IQCM: variants seen among roughly 807,000 people sequenced by gnomAD.
IQCM encodes IQ motif containing M, also known as IQ domain-containing protein M.
IQCM carries 45 observed loss-of-function variants against 57.6 expected under a neutral mutation model. The ratio of observed to expected loss-of-function variants is 0.78; its 90% CI spans 0.62 to 1.00. IQCM has a LOEUF of 1.00. IQCM is among the 50% of genes least tolerant of loss of function. IQCM has a pLI of 0.00. For missense variants in IQCM, 468 were observed against 511.6 expected (o/e 0.91, Z 0.82); for synonymous variants, 148 against 158.9 (o/e 0.93, Z 0.51).
At chr4:149,777,336 A>T (rs545217811) in intron 2 of IQCM, among the ~76,000 whole-genome samples, 1 of 152,354 alleles carries the variant, frequency 6.6e-6, no homozygotes, top group East Asian at 1.9e-4. Flanking sequence ...AAAAATGTCC[A>T]TGATAAAAAG....
At chr4:149,361,421 C>T (rs563131952) in intron 13 of IQCM, among the ~76,000 whole-genome samples, 1 of 152,284 alleles carries the variant, frequency 6.6e-6, no homozygotes, top group South Asian at 2.1e-4. Flanking sequence ...TGTCAAAGAC[C>T]TTCATGGCAG....
rs1217422747 is a variant in IQCM, at chr4:149,563,751, T to A, written c.889A>T (p.Met297Leu). The A allele has an allele frequency of 3.2e-6, 4 of 1,232,022 alleles. No homozygotes were observed. The highest frequency in any genetic ancestry group is 4.0e-6 in the Non-Finnish European group (4 of 987,966). The allele number at this position is 1,232,022 out of a possible 1,614,324, so 76.3% of individuals were successfully genotyped here. A position where few individuals can be genotyped will look rare whatever the true frequency, so the allele number is the denominator to read the frequency against. ...AGCCATCCCCTGACATGTGCCTGCA[T>A]GACGGTGACCATTCTAATCAATTTT... ...TPKLIRMVTV[M>L]QAHVRGWLER... The change falls in exon 10 of 14, where the codon ATG (methionine) becomes TTG (leucine). Residue 297 changes from methionine (M) to leucine (L), a missense_variant. Coordinates refer to ENST00000636793, the MANE Select transcript of IQCM (RefSeq NM_001363507.2).
At chr4:149,646,298 A>G (rs1481796123) in intron 7 of IQCM, among the ~76,000 whole-genome samples, 1 of 152,170 alleles carries the variant, frequency 6.6e-6, no homozygotes, top group African/African-American at 2.4e-5. Flanking sequence ...TTTCTGAAAT[A>G]TAAACTTTTA....
At chr4:149,366,001 C>A (rs1030871462) in intron 13 of IQCM, among the ~76,000 whole-genome samples, 7 of 152,014 alleles carry the variant, frequency 4.6e-5, no homozygotes, top group African/African-American at 1.7e-4. Flanking sequence ...TTAGTTTTCA[C>A]AATTGTACCA....
chr4:149,352,855 G>A (rs2110860000), intron 13 of IQCM, among the ~76,000 whole-genome samples: 1 of 152,160 alleles, frequency 6.6e-6, no homozygotes, highest in Non-Finnish European at 1.5e-5. Flanking sequence ...ATTTACTGTG[G>A]CCACCATTAT....
In IQCM at chr4:149,621,176, G is replaced by C; in HGVS notation, c.634C>G (p.Arg212Gly). ...RSFRLACDSRRVSFSQSSSIF... is the reference protein window; with the variant it reads ...RSFRLACDSRGVSFSQSSSIF... ...GATGATGATTGAGAGAAACTAACTC[G>C]ACGGGAGTCACAAGCCAAACGGAAA... The change falls in exon 8 of 14, where the codon CGA becomes GGA. Residue 212 changes from arginine (R) to glycine (G), a missense_variant. Transcript: ENST00000636793. The C allele has an allele frequency of 8.1e-7, 1 of 1,231,680 alleles. No individual in the cohort carries two copies. The allele number at this position is 1,231,680 out of a possible 1,614,324, so 76.3% of individuals were successfully genotyped here.
intron 12 of IQCM, among the ~76,000 whole-genome samples, chr4:149,519,290 T>C (rs1745336799): frequency 6.6e-6 from 1 of 152,194 alleles, no homozygotes; most frequent in East Asian, 1.9e-4. Flanking sequence ...CCAAAAAGAA[T>C]GATATTTGCT....
chr4:149,751,362 G>A (rs17026425), intron 2 of IQCM, among the ~76,000 whole-genome samples: 7,629 of 152,194 alleles, frequency 0.05, 248 homozygotes, highest in South Asian at 0.13. Context: ...ACAGTATGAC[G>A]TCATGGTGAA....
At chr4:149,552,826 CT>C (rs1225387469) in intron 11 of IQCM, among the ~76,000 whole-genome samples, 1 of 152,158 alleles carries the variant, frequency 6.6e-6, no homozygotes, top group African/African-American at 2.4e-5. Flanking sequence ...GAGATTATCC[CT>C]TATTTCCTGC....
intron 8 of IQCM, among the ~76,000 whole-genome samples, chr4:149,598,412 AAT>A (rs1753971052): frequency 6.6e-6 from 1 of 152,162 alleles, no homozygotes; most frequent in African/African-American, 2.4e-5. Flanking sequence ...TAAAAACAAA[AAT>A]ATAAATGCCA....
At chr4:149,539,823 C>A (rs1321537366) in intron 12 of IQCM, among the ~76,000 whole-genome samples, 1 of 152,090 alleles carries the variant, frequency 6.6e-6, no homozygotes, top group African/African-American at 2.4e-5. Context: ...CAAGATGGCA[C>A]CACTGCACTC....
At chr4:149,740,834 G>A (rs1216766080) in intron 3 of IQCM, among the ~76,000 whole-genome samples, 1 of 152,108 alleles carries the variant, frequency 6.6e-6, no homozygotes, top group Non-Finnish European at 1.5e-5. Flanking sequence ...GAACCTGCTT[G>A]TAAACAGGTT....
At chr4:149,485,422 C>A (rs1480175688) in intron 12 of IQCM, among the ~76,000 whole-genome samples, 2 of 151,774 alleles carry the variant, frequency 1.3e-5, no homozygotes, top group African/African-American at 4.8e-5. Flanking sequence ...TTTGTCTCCT[C>A]TGACTGTGTA....
At chr4:149,440,602 AT>A (rs1187491650) in intron 12 of IQCM, among the ~76,000 whole-genome samples, 4 of 152,078 alleles carry the variant, frequency 2.6e-5, no homozygotes, top group Non-Finnish European at 5.9e-5. Context: ...AAATATATAC[AT>A]TTTTTTCCTT....
chr4:149,437,573 T>C (rs1735491572), intron 12 of IQCM, among the ~76,000 whole-genome samples: 1 of 152,002 alleles, frequency 6.6e-6, no homozygotes, highest in South Asian at 2.1e-4. Flanking sequence ...AAGTTCCCCT[T>C]CCCTTCCTCT....
At chr4:149,631,752 C>T (rs1757285169) in intron 7 of IQCM, among the ~76,000 whole-genome samples, 1 of 152,156 alleles carries the variant, frequency 6.6e-6, no homozygotes, top group African/African-American at 2.4e-5. Flanking sequence ...ATACCTGACT[C>T]ACATACTGCC....
intron 2 of IQCM, among the ~76,000 whole-genome samples, chr4:149,783,423 C>T (rs536464331): frequency 5.3e-5 from 8 of 152,300 alleles, no homozygotes; most frequent in Admixed American, 3.3e-4. Context: ...TTTCAAACAA[C>T]CTGATTATTA....
At chr4:149,680,761 C>T (rs1762120312) in intron 7 of IQCM, among the ~76,000 whole-genome samples, 1 of 151,400 alleles carries the variant, frequency 6.6e-6, no homozygotes, top group African/African-American at 2.4e-5. Flanking sequence ...ACCAATTCTG[C>T]CAGCCTTTTC....
At chr4:149,433,809 G>GA (rs959420342) in intron 12 of IQCM, among the ~76,000 whole-genome samples, 2 of 151,014 alleles carry the variant, frequency 1.3e-5, no homozygotes, top group African/African-American at 4.9e-5. Flanking sequence ...TTAAGGCTGT[G>GA]AAAAAAAATA....
Sources: gnomAD v4.1 joint callset for allele counts (sites outside exome capture counted in the v4.1 genomes callset) on GRCh38, gnomAD v4.1.1 for gene constraint, MANE v1.5 for transcripts, NCBI Gene and HGNC (gene_info 2026-07-23, HGNC 2026-07-21) for gene names.